The following SETBP1 variants were observed in gnomAD, a reference collection of about 807,000 sequenced individuals.
SETBP1 encodes SET binding protein 1.
SETBP1 carries 9 observed loss-of-function variants against 101.0 expected under a neutral mutation model. That is an observed-to-expected ratio of 0.09 (90% CI 0.05 to 0.16). The LOEUF is 0.16. Ranked by LOEUF, SETBP1 falls within the 10% of genes least tolerant of loss-of-function variation. The probability of loss-of-function intolerance (pLI) is 1.00; values close to 1 mark genes in which losing one functional copy is unlikely to be tolerated. For synonymous variants in SETBP1, 818 were observed against 788.5 expected, an observed-to-expected ratio of 1.04 and a Z score of -0.63; for missense variants, 1,858 against 2,033.8, an observed-to-expected ratio of 0.91 and a Z score of 1.66.
chr18:44,859,679 G>C (rs892450423), intron 2 of SETBP1, among the ~76,000 whole-genome samples: 1 of 152,190 alleles, frequency 6.6e-6, no homozygotes, highest in African/African-American at 2.4e-5. Context: ...GGCTAAAGTA[G>C]GTCCTGAGAC....
At chr18:44,715,863 G>A (rs912381621) in intron 2 of SETBP1, among the ~76,000 whole-genome samples, 4 of 152,182 alleles carry the variant, frequency 2.6e-5, no homozygotes, top group African/African-American at 9.7e-5. Context: ...CAGGTTGGAA[G>A]TGGGCGCGTC....
intron 3 of SETBP1, among the ~76,000 whole-genome samples, chr18:44,947,328 G>A (rs993237062): frequency 2.3e-4 from 35 of 152,096 alleles, no homozygotes; most frequent in African/African-American, 8.0e-4. Flanking sequence ...GAAAAAAACG[G>A]TAGGAGTTAG....
At chr18:44,845,643 G>C (rs1255046849) in intron 2 of SETBP1, among the ~76,000 whole-genome samples, 2 of 152,244 alleles carry the variant, frequency 1.3e-5, no homozygotes, top group Non-Finnish European at 2.9e-5. Flanking sequence ...GGGGCGTGAT[G>C]CTCTCTGCCC....
chr18:44,905,160 G>T (rs2070143920), intron 3 of SETBP1, among the ~76,000 whole-genome samples: 2 of 152,064 alleles, frequency 1.3e-5, no homozygotes, highest in Admixed American at 6.6e-5. Flanking sequence ...CAGGTGTCCG[G>T]GTACCACATA....
intron 4 of SETBP1, among the ~76,000 whole-genome samples, chr18:44,954,874 C>T (rs917643914): frequency 1.3e-4 from 20 of 152,290 alleles, no homozygotes; most frequent in Admixed American, 9.2e-4. Flanking sequence ...CCTTGCATGA[C>T]ATGTGAGAAA....
intron 3 of SETBP1, among the ~76,000 whole-genome samples, chr18:44,879,320 G>T (rs1292627548): frequency 1.3e-5 from 2 of 152,156 alleles, no homozygotes; most frequent in Non-Finnish European, 2.9e-5. Context: ...ACTTGTACTA[G>T]CTGTGTGACC....
At chr18:44,902,035 CAT>C (rs1198486159) in intron 3 of SETBP1, among the ~76,000 whole-genome samples, 1 of 152,152 alleles carries the variant, frequency 6.6e-6, no homozygotes, top group Non-Finnish European at 1.5e-5. Flanking sequence ...CCAGTAGCCA[CAT>C]GTGGCTATTT....
At chr18:44,791,999 G>A (rs970878291) in intron 2 of SETBP1, among the ~76,000 whole-genome samples, 1 of 152,120 alleles carries the variant, frequency 6.6e-6, no homozygotes, top group Non-Finnish European at 1.5e-5. Flanking sequence ...ACAGTTGGCT[G>A]TGCAGTTTCG....
chr18:44,719,964 C>T (rs1291012625), intron 2 of SETBP1, among the ~76,000 whole-genome samples: 2 of 152,104 alleles, frequency 1.3e-5, no homozygotes, highest in South Asian at 2.1e-4. Context: ...GGAGAGCATC[C>T]GGGGACTTCT....
chr18:44,922,204 GAGTT>G (rs1411435002), intron 3 of SETBP1, among the ~76,000 whole-genome samples: 1 of 152,214 alleles, frequency 6.6e-6, no homozygotes, highest in African/African-American at 2.4e-5. Flanking sequence ...GAAAAAATAT[GAGTT>G]AGCTCTCCCA....
At chr18:44,923,670 C>T (rs934509575) in intron 3 of SETBP1, among the ~76,000 whole-genome samples, 13 of 152,226 alleles carry the variant, frequency 8.5e-5, no homozygotes, top group African/African-American at 3.1e-4. Flanking sequence ...GAAGCTTCAG[C>T]ATTGAACATT....
intron 2 of SETBP1, among the ~76,000 whole-genome samples, chr18:44,827,779 T>A (rs1463729372): frequency 6.6e-6 from 1 of 152,188 alleles, no homozygotes; most frequent in East Asian, 1.9e-4. Context: ...TGGCACAGGT[T>A]TAGTATTGTA....
At chr18:45,027,966 C>T (rs1179439366) in intron 4 of SETBP1, among the ~76,000 whole-genome samples, 1 of 152,082 alleles carries the variant, frequency 6.6e-6, no homozygotes, top group Non-Finnish European at 1.5e-5. Flanking sequence ...AGGACAGCAA[C>T]ATAGCATCTC....
At chr18:44,705,914 G>T (rs2069206694) in intron 2 of SETBP1, among the ~76,000 whole-genome samples, 1 of 152,128 alleles carries the variant, frequency 6.6e-6, no homozygotes, top group South Asian at 2.1e-4. Flanking sequence ...CTGGCTCAAG[G>T]ATGCACGGAC....
At chr18:44,954,966 T>C (rs2071450639) in intron 4 of SETBP1, among the ~76,000 whole-genome samples, 1 of 152,218 alleles carries the variant, frequency 6.6e-6, no homozygotes, top group South Asian at 2.1e-4. Flanking sequence ...TTTGTAATTT[T>C]ATGAGCCTTA....
rs73952953 is a variant in SETBP1, at chr18:45,059,413, T to A, written c.4172-3666T>A. On this transcript the variant is annotated intron_variant, in intron 5 of 5. Transcript: ENST00000649279. The stretch of plus-strand genomic sequence containing the variant: ...GTTCAAATTTCCATTTATTTCATGA[T>A]CTCTTTTAACAGTTTGTTCCAATTG... Among the ~76,000 whole-genome samples, 196 of 152,324 alleles carry A rather than the reference T, an allele frequency of 1.3e-3. 2 individuals are homozygous for A. The highest frequency in any genetic ancestry group is 4.5e-3 in the African/African-American group (186 of 41,574).
chr18:45,005,942 G>A (rs1443436418), intron 4 of SETBP1, among the ~76,000 whole-genome samples: 3 of 133,742 alleles, frequency 2.2e-5, no homozygotes, highest in East Asian at 2.2e-4. Context: ...CACTGCACCC[G>A]GCCTTTTTTT....
At chr18:44,807,047 T>G (rs1209476900) in intron 2 of SETBP1, among the ~76,000 whole-genome samples, 1 of 152,042 alleles carries the variant, frequency 6.6e-6, no homozygotes, top group Non-Finnish European at 1.5e-5. Context: ...CTGCATTGAG[T>G]GTGTTAATCT....
chr18:44,981,073 A>G (rs748177462), intron 4 of SETBP1, among the ~76,000 whole-genome samples: 4 of 152,234 alleles, frequency 2.6e-5, no homozygotes, highest in Non-Finnish European at 5.9e-5. Context: ...TCTCAGACCT[A>G]TTAAATGAGA....
Sources: gnomAD v4.1 joint callset for allele counts (sites outside exome capture counted in the v4.1 genomes callset) on GRCh38, gnomAD v4.1.1 for gene constraint, MANE v1.5 for transcripts, NCBI Gene and HGNC (gene_info 2026-07-23, HGNC 2026-07-21) for gene names.